The following PIEZO2 variants were observed in gnomAD, a reference collection of about 807,000 sequenced individuals.
PIEZO2 encodes piezo type mechanosensitive ion channel component 2, also known as piezo-type mechanosensitive ion channel component 2.
PIEZO2 carries 172 observed loss-of-function variants against 337.3 expected under a neutral mutation model. The observed-to-expected ratio is 0.51, with a 90% CI of 0.45 to 0.58. The LOEUF (loss-of-function observed/expected upper bound fraction) is 0.58, where lower values mean the gene tolerates loss of function less well. PIEZO2 is among the 20% of genes least tolerant of loss of function. The pLI is 0.00. For missense variants in PIEZO2, 3,028 were observed against 3,391.3 expected (o/e 0.89, Z 2.66); for synonymous variants, 1,251 against 1,228.5 (o/e 1.02, Z -0.38).
rs2042663801 is a variant in PIEZO2, at chr18:10,888,251, A to T, written c.330-16836T>A. Among the ~76,000 whole-genome samples the T allele has an allele frequency of 1.3e-5, 2 of 152,182 alleles. No homozygotes were observed. Among genetic ancestry groups the T allele is most frequent in the African/African-American group, 4.8e-5 (2 of 41,456 alleles). The stretch of plus-strand genomic sequence containing the variant: ...CATGAACTTCTCTTTTATTAGATAG[A>T]CTGTATTTGAAACTACAATTCTGAT... On this transcript the variant is annotated intron_variant, in intron 4 of 55. Transcript: ENST00000674853. This position sits in a 1 kb window ranked among gnomAD's most constrained non-coding sequence, Gnocchi z 4.1.
At chr18:11,075,852 G>A (rs562144094) in intron 1 of PIEZO2, among the ~76,000 whole-genome samples, 36 of 147,948 alleles carry the variant, frequency 2.4e-4, no homozygotes, top group East Asian at 1.4e-3. Context: ...GCAGTGGCGC[G>A]ATCTCCGCTC....
intron 43 of PIEZO2, among the ~76,000 whole-genome samples, chr18:10,699,772 G>A (rs1454534985): frequency 6.6e-6 from 1 of 152,188 alleles, no homozygotes; most frequent in Non-Finnish European, 1.5e-5. Context: ...ATGGACTAAG[G>A]AAGAAATTAC....
In PIEZO2 at chr18:10,821,064, T is replaced by G. The variant is rs910381206; in HGVS notation, c.918-13790A>C. On this transcript the variant is annotated intron_variant, in intron 7 of 55. Coordinates refer to ENST00000674853, the MANE Select transcript of PIEZO2 (RefSeq NM_001378183.1). This position sits in a 1 kb window ranked among gnomAD's most constrained non-coding sequence, Gnocchi z 4.2. Reference sequence around the variant, plus strand: ...TCAGCTAAAGTGTCTAGATGACTCCTTGAAGATCTCTGGAGCTCTTTCTCT... The same window carrying G: ...TCAGCTAAAGTGTCTAGATGACTCCGTGAAGATCTCTGGAGCTCTTTCTCT... Among the ~76,000 whole-genome samples the G allele has an allele frequency of 2.6e-5, 4 of 152,206 alleles. No homozygotes were observed. The highest frequency in any genetic ancestry group is 9.6e-5 in the African/African-American group (4 of 41,454).
At chr18:10,712,360 G>A (rs991888142) in intron 39 of PIEZO2, among the ~76,000 whole-genome samples, 2 of 152,150 alleles carry the variant, frequency 1.3e-5, no homozygotes, top group African/African-American at 4.8e-5. Flanking sequence ...TTAAGTTTTA[G>A]CGTTAAAATG....
At chr18:11,140,392 T>C (rs577244044) in intron 1 of PIEZO2, among the ~76,000 whole-genome samples, 2 of 152,344 alleles carry the variant, frequency 1.3e-5, no homozygotes, top group East Asian at 1.9e-4. Context: ...GTCAGAGCCC[T>C]TTCTAAGCCC....
intron 4 of PIEZO2, among the ~76,000 whole-genome samples, chr18:10,887,175 T>C (rs1448970819): frequency 1.3e-5 from 2 of 148,590 alleles, no homozygotes; most frequent in Admixed American, 1.4e-4. Context: ...GTTCAAGCGA[T>C]CCTCCTGCCT....
rs533382703 is a variant in PIEZO2, at chr18:11,063,261, T to G, written c.160+2866A>C. The stretch of plus-strand genomic sequence containing the variant: ...ACACATGGACATAGGAAGGGGAACA[T>G]CACACACCGGGGCCTGTTGTGGGGT... On this transcript the variant is annotated intron_variant, in intron 2 of 55. Transcript: ENST00000674853. Among the ~76,000 whole-genome samples the G allele has an allele frequency of 1.6e-4, 20 of 124,056 alleles. No homozygotes were observed. In the East Asian group the frequency reaches 5.1e-3, roughly 32 times the overall value. 81.4% of individuals were successfully genotyped at this position (124,056 alleles called of 152,430 possible).
At chr18:11,019,046 C>T (rs145516543) in intron 2 of PIEZO2, among the ~76,000 whole-genome samples, 1 of 152,238 alleles carries the variant, frequency 6.6e-6, no homozygotes, top group African/African-American at 2.4e-5. Context: ...TCCAAGCCAC[C>T]AGCAAACCCT....
chr18:10,901,389 C>A (rs968417798), intron 4 of PIEZO2, among the ~76,000 whole-genome samples: 25 of 151,594 alleles, frequency 1.6e-4, no homozygotes, highest in African/African-American at 6.1e-4. Context: ...GGGTGTGAAG[C>A]AGGGAAGGTA....
intron 45 of PIEZO2, among the ~76,000 whole-genome samples, chr18:10,697,534 C>G (rs1482220798): frequency 6.6e-6 from 1 of 152,208 alleles, no homozygotes; most frequent in Non-Finnish European, 1.5e-5. Context: ...ATAGAAAAAG[C>G]ATGTGCATAA....
chr18:11,130,530 T>C (rs1373583710), intron 1 of PIEZO2, among the ~76,000 whole-genome samples: 1 of 152,240 alleles, frequency 6.6e-6, no homozygotes, highest in Admixed American at 6.5e-5. Flanking sequence ...GATATCAAAC[T>C]GGTCCATTAC....
chr18:10,751,813 T>G (rs2037657375), intron 28 of PIEZO2, among the ~76,000 whole-genome samples: 1 of 151,968 alleles, frequency 6.6e-6, no homozygotes, highest in Non-Finnish European at 1.5e-5. Context: ...TCAGGAGAGG[T>G]TGTTGCTTAA....
At chr18:11,066,483 A>C (rs1315802568) in intron 1 of PIEZO2, among the ~76,000 whole-genome samples, 1 of 152,260 alleles carries the variant, frequency 6.6e-6, no homozygotes, top group Admixed American at 6.5e-5. Flanking sequence ...GGTAAAAGAC[A>C]AAACTATTGA....
At chr18:10,808,306 G>C (rs373012804) in intron 7 of PIEZO2, among the ~76,000 whole-genome samples, 2 of 152,082 alleles carry the variant, frequency 1.3e-5, no homozygotes, top group African/African-American at 2.4e-5. Context: ...TGCCCAGGCT[G>C]GTCTCGAACT....
At chr18:10,852,540 A>T (rs1378848016) in intron 7 of PIEZO2, among the ~76,000 whole-genome samples, 2 of 152,214 alleles carry the variant, frequency 1.3e-5, no homozygotes, top group Non-Finnish European at 2.9e-5. Context: ...CAAATTTTAC[A>T]CATAAATCAA....
intron 2 of PIEZO2, among the ~76,000 whole-genome samples, chr18:11,024,085 G>A (rs935735610): frequency 6.6e-6 from 1 of 152,230 alleles, no homozygotes; most frequent in Admixed American, 6.5e-5. Context: ...AGCCCAGAAA[G>A]GGGCTCCCAC....
At position 10,677,766 on chromosome 18, in the gene PIEZO2, C is replaced by T. The variant is rs142229219; in HGVS notation, c.8062G>A (p.Glu2688Lys). 48 of 1,610,122 alleles carry T rather than the reference C, an allele frequency of 3.0e-5. No individual in the cohort carries two copies. In the African/African-American group the frequency reaches 6.2e-4, roughly 21 times the overall value. ...ACTTACACTGGTGTTTTTGAACTTT[C>T]TGTGCTGTTGCCTGCTATCATTTTA... ...IAKMIAGNST[E>K]SSKTPVTIEK... The change falls in exon 53 of 56, where the codon GAA becomes AAA. Residue 2688 changes from glutamate to lysine, a missense_variant. Around this residue, in one of 5 missense-constraint regions of PIEZO2, gnomAD observed 332 missense variants for 363.8 expected, o/e 0.91. Transcript: ENST00000674853. This position sits in a 1 kb window ranked among gnomAD's most constrained non-coding sequence, Gnocchi z 4.1.
In PIEZO2 at chr18:11,126,972, C is replaced by T. The variant is rs937536815; in HGVS notation, c.64+21553G>A. On this transcript the variant is annotated intron_variant, in intron 1 of 55. Transcript: ENST00000674853. The surrounding 1 kb of genome is among the most constrained non-coding windows in gnomAD (Gnocchi z 4.6). ...GAACTGTTGTGTGCTTACTACAGGC[C>T]AGGCCCTACCCAAGACACTGTGGGT... Among the ~76,000 whole-genome samples the T allele has an allele frequency of 2.0e-4, 31 of 152,252 alleles. No homozygotes were observed. Among genetic ancestry groups the T allele is most frequent in the African/African-American group, 6.7e-4 (28 of 41,536 alleles).
chr18:10,675,546 C>T (rs2033961332), intron 53 of PIEZO2, among the ~76,000 whole-genome samples: 1 of 152,238 alleles, frequency 6.6e-6, no homozygotes, highest in African/African-American at 2.4e-5. Flanking sequence ...CAAACAGCCA[C>T]AGGCCTTTTC....
Sources: gnomAD v4.1 joint callset for allele counts (sites outside exome capture counted in the v4.1 genomes callset) on GRCh38, gnomAD v4.1.1 for gene constraint, gnomAD v4.1.1 regional missense constraint, Gnocchi (gnomAD v3.1) non-coding constraint, MANE v1.5 for transcripts, NCBI Gene and HGNC (gene_info 2026-07-23, HGNC 2026-07-21) for gene names.